The following ANP32B variants were observed in gnomAD, a reference collection of about 807,000 sequenced individuals.
ANP32B encodes acidic leucine-rich nuclear phosphoprotein 32 family member B.
A neutral mutation model predicts 32.2 loss-of-function variants in ANP32B; 6 were observed. The ratio of observed to expected loss-of-function variants is 0.19; its 90% confidence interval spans 0.10 to 0.37. The LOEUF (loss-of-function observed/expected upper bound fraction) is 0.37. ANP32B is among the 10% of genes least tolerant of loss of function. ANP32B has a pLI of 1.00. For synonymous variants in ANP32B, 98 were observed against 105.8 expected (o/e 0.93, Z 0.45); for missense variants, 204 against 289.2 (o/e 0.71, Z 2.14).
chr9:97,984,543 C>G (rs1827668470), intron 1 of ANP32B: 3 of 149,618 alleles, frequency 2.0e-5, no homozygotes, highest in African/African-American at 7.4e-5. Context: ...GGCGGCTCTT[C>G]ACGCCAGCCG....
intron 4 of ANP32B, among the ~76,000 whole-genome samples, chr9:98,010,547 A>G (rs1387343984): frequency 6.6e-6 from 1 of 152,120 alleles, no homozygotes; most frequent in Non-Finnish European, 1.5e-5. Flanking sequence ...CTGGTGAGTA[A>G]GACTGCCTAA....
At position 98,009,021 on chromosome 9, in the gene ANP32B, C is replaced by T. The variant is rs945205786; in HGVS notation, c.518-2250C>T. Among the ~76,000 whole-genome samples the T allele has an allele frequency of 3.9e-5, 6 of 152,134 alleles. No individual in the cohort carries two copies. In the South Asian group the frequency reaches 6.2e-4, roughly 16 times the overall value. Reference sequence around the variant, plus strand: ...TTATCTCCTGATTCACAGGGCCTGACACTGAGTAGGTACTTGGTACCTGTT... The same window carrying T: ...TTATCTCCTGATTCACAGGGCCTGATACTGAGTAGGTACTTGGTACCTGTT... On this transcript the variant is annotated intron_variant, in intron 4 of 6. Transcript: ENST00000339399.
intron 4 of ANP32B, among the ~76,000 whole-genome samples, chr9:98,006,686 A>G (rs755944910): frequency 2.0e-5 from 3 of 152,238 alleles, no homozygotes; most frequent in Non-Finnish European, 4.4e-5. Flanking sequence ...CAACAAAGCC[A>G]TGAAACCTTC....
intron 1 of ANP32B, among the ~76,000 whole-genome samples, chr9:97,985,541 C>T (rs1827711428): frequency 6.6e-6 from 1 of 152,210 alleles, no homozygotes; most frequent in South Asian, 2.1e-4. Flanking sequence ...CCAGACTTTT[C>T]CATTGCGGCG....
At chr9:97,999,291 G>C (rs57559429) in intron 3 of ANP32B, among the ~76,000 whole-genome samples, 9,112 of 152,202 alleles carry the variant, frequency 0.06, 867 homozygotes, top group African/African-American at 0.21. Flanking sequence ...TGACTATATA[G>C]CCTTAAACAT....
intron 3 of ANP32B, among the ~76,000 whole-genome samples, chr9:98,003,246 G>A (rs949626785): frequency 1.3e-5 from 2 of 152,174 alleles, no homozygotes; most frequent in Non-Finnish European, 2.9e-5. Context: ...GGGGTGCAAC[G>A]TTTTCCTGTT....
intron 1 of ANP32B, among the ~76,000 whole-genome samples, chr9:97,989,872 A>G (rs145893329): frequency 3.5e-4 from 53 of 152,338 alleles, no homozygotes; most frequent in African/African-American, 1.2e-3. Flanking sequence ...TTGAGATTCA[A>G]CAGATGCAGA....
intron 1 of ANP32B, among the ~76,000 whole-genome samples, chr9:97,986,160 C>T (rs1827730578): frequency 6.6e-6 from 1 of 152,248 alleles, no homozygotes; most frequent in Admixed American, 6.5e-5. Context: ...ACCTTCTTGC[C>T]AGTCAGGCCA....
intron 6 of ANP32B, among the ~76,000 whole-genome samples, 165 bp downstream of exon 6, chr9:98,012,637 G>C (rs1383474559): frequency 1.3e-5 from 2 of 152,216 alleles, no homozygotes; most frequent in East Asian, 1.9e-4. Context: ...GTCTGTGCTG[G>C]TGCAGGCTCC....
intron 1 of ANP32B, among the ~76,000 whole-genome samples, chr9:97,984,968 GGCGGCCCTCTT>G (rs1179132030): frequency 1.3e-5 from 2 of 151,070 alleles, no homozygotes; most frequent in Non-Finnish European, 3.0e-5. Flanking sequence ...GGGGCCTGAG[GGCGGCCCTCTT>G]GCGGCGCGGC....
At chr9:98,010,748 C>A (rs1394800858) in intron 4 of ANP32B, among the ~76,000 whole-genome samples, 2 of 152,108 alleles carry the variant, frequency 1.3e-5, no homozygotes, top group Non-Finnish European at 2.9e-5. Flanking sequence ...CTCCTGTCCC[C>A]TGAGTCACAG....
Position 98,005,022 on chromosome 9 carries a change from A to T in ANP32B, c.386A>T (p.Asn129Ile). ...DLFNCEVTNL[N>I]DYRESVFKLL... ...TTTAACTGTGAGGTTACCAACCTGA[A>T]TGACTACCGAGAGAGTGTCTTCAAG... Residue 129 changes from asparagine to isoleucine, a missense_variant, in exon 4 of 7, where the codon AAT becomes ATT. By Grantham distance (149) the Asn-to-Ile change is moderately radical (BLOSUM62 -3). Transcript: ENST00000339399. 2 of 1,614,086 alleles carry T rather than the reference A, an allele frequency of 1.2e-6. No homozygotes were observed.
chr9:98,015,615 A>G lies in ANP32B; in HGVS notation c.*184A>G. ...TTCCTTCCATGTAGTCCCTCTTGGT[A>G]ATCTACCACCAAGCTTGTGGACTTC... On this transcript the variant is annotated 3_prime_UTR_variant, in exon 7 of 7. Transcript: ENST00000339399. 1 of 1,316,710 alleles carries G rather than the reference A, an allele frequency of 7.6e-7. No homozygotes were observed. Among genetic ancestry groups the G allele is most frequent in the Non-Finnish European group, 9.7e-7 (1 of 1,025,676 alleles). The allele number at this position is 1,316,710 out of a possible 1,614,324, so 81.6% of individuals were successfully genotyped here. A position where few individuals can be genotyped will look rare whatever the true frequency, so the allele number is the denominator to read the frequency against.
intron 1 of ANP32B, among the ~76,000 whole-genome samples, chr9:97,993,718 C>G (rs1402870638): frequency 6.6e-6 from 1 of 152,242 alleles, no homozygotes; most frequent in Non-Finnish European, 1.5e-5. Context: ...TAACTGCCAC[C>G]TCCACCTCCC....
At chr9:98,009,653 T>C (rs901485498) in intron 4 of ANP32B, among the ~76,000 whole-genome samples, 2 of 152,258 alleles carry the variant, frequency 1.3e-5, no homozygotes, top group Non-Finnish European at 2.9e-5. Context: ...ACTGGCCTGC[T>C]CTTCACCACC....
intron 3 of ANP32B, among the ~76,000 whole-genome samples, chr9:98,000,776 C>T (rs1469609340): frequency 6.6e-6 from 1 of 151,772 alleles, no homozygotes. Flanking sequence ...CAAAAAAGTA[C>T]CCAGGCGTGG....
rs144418812 is a variant in ANP32B at position 97,990,317 on chromosome 9, A to G, written c.55-4314A>G. On this transcript the variant is annotated intron_variant, in intron 1 of 6. Coordinates refer to ENST00000339399, the MANE Select transcript of ANP32B (RefSeq NM_006401.3). ...TGCCATTGAAACAATATCCGAGCTC[A>G]GAATACCTTTCATCAAGGTCCTGTT... Among the ~76,000 whole-genome samples, 36 of 152,352 alleles carry G rather than the reference A, an allele frequency of 2.4e-4. 1 individual carries two copies. The highest frequency in any genetic ancestry group is 7.9e-4 in the African/African-American group (33 of 41,580).
At chr9:98,008,364 G>C (rs1425471755) in intron 4 of ANP32B, among the ~76,000 whole-genome samples, 1 of 152,150 alleles carries the variant, frequency 6.6e-6, no homozygotes, top group African/African-American at 2.4e-5. Context: ...AAGAGTTTGA[G>C]CATTACTTCC....
chr9:98,005,100 C>T lies in ANP32B; in HGVS notation c.464C>T (p.Ala155Val). 1 of 1,613,862 alleles carries T rather than the reference C, an allele frequency of 6.2e-7. No individual in the cohort carries two copies. Among genetic ancestry groups the T allele is most frequent in the South Asian group, 1.1e-5 (1 of 91,066 alleles). ...GGCTATGACCGAGAGGACCAGGAAG[C>T]ACCTGACTCAGATGCCGAGGTGGAT... ...LDGYDREDQE[A>V]PDSDAEVDGV... Residue 155 changes from alanine (A) to valine (V), a missense_variant, in exon 4 of 7, where the codon GCA becomes GTA. Coordinates refer to ENST00000339399, the MANE Select transcript of ANP32B (RefSeq NM_006401.3).
Sources: allele counts gnomAD v4.1 joint callset (sites outside exome capture counted in the v4.1 genomes callset), GRCh38; gene constraint gnomAD v4.1.1; transcripts MANE v1.5; gene names NCBI Gene and HGNC (gene_info 2026-07-23, HGNC 2026-07-21).